The following DOCK4 variants were observed in gnomAD, a reference collection of about 807,000 sequenced individuals.
The protein encoded by DOCK4 is dedicator of cytokinesis protein 4.
A neutral mutation model predicts 268.1 loss-of-function variants in DOCK4; 97 were observed. That is an observed-to-expected ratio of 0.36 (90% CI 0.31 to 0.43). DOCK4 has a LOEUF of 0.43. Among genes scored for constraint, DOCK4 ranks in the 20% least tolerant of loss-of-function variants. The probability of loss-of-function intolerance (pLI) is 1.00; values close to 1 mark genes in which losing one functional copy is unlikely to be tolerated. For missense variants in DOCK4, 2,145 were observed against 2,455.7 expected (o/e 0.87, Z 2.67); for synonymous variants, 954 against 887.2 (o/e 1.08, Z -1.34).
At chr7:112,197,969 A>AG (rs1012356158) in intron 1 of DOCK4, among the ~76,000 whole-genome samples, 5 of 82,966 alleles carry the variant, frequency 6.0e-5, no homozygotes, top group Admixed American at 1.2e-4. Context: ...TGACCTGCCT[A>AG]GAAAAAAAAA....
intron 13 of DOCK4, among the ~76,000 whole-genome samples, chr7:111,904,160 G>A (rs1478761630): frequency 6.6e-6 from 1 of 152,124 alleles, no homozygotes; most frequent in East Asian, 1.9e-4. Flanking sequence ...CCCAAAGGAG[G>A]GAAAATGAGG....
intron 8 of DOCK4, among the ~76,000 whole-genome samples, chr7:111,951,517 C>A (rs1796043772): frequency 6.6e-6 from 1 of 151,812 alleles, no homozygotes; most frequent in African/African-American, 2.4e-5. Context: ...CCTCAGAGCA[C>A]CAAAGAAGGC....
At chr7:112,136,521 G>C (rs571558488) in intron 1 of DOCK4, among the ~76,000 whole-genome samples, 1 of 152,288 alleles carries the variant, frequency 6.6e-6, no homozygotes, top group South Asian at 2.1e-4. Context: ...CAAGCCCTTT[G>C]CTGGGGGATG....
intron 12 of DOCK4, 138 bp downstream of exon 12, chr7:111,935,402 G>A (rs780066144): frequency 1.3e-6 from 1 of 742,632 alleles, no homozygotes; most frequent in Admixed American, 2.0e-5. Flanking sequence ...ATACCAGAAT[G>A]TTCATTGAGC....
intron 1 of DOCK4, among the ~76,000 whole-genome samples, chr7:112,057,973 A>T (rs1180404373): frequency 6.6e-6 from 1 of 151,192 alleles, no homozygotes; most frequent in African/African-American, 2.4e-5. Flanking sequence ...AATTTATAGT[A>T]CATGGATATA....
intron 1 of DOCK4, among the ~76,000 whole-genome samples, chr7:112,189,119 T>C (rs1819704133): frequency 6.6e-6 from 1 of 152,192 alleles, no homozygotes; most frequent in African/African-American, 2.4e-5. Context: ...TAAATAACAA[T>C]TGTAGTCTAT....
intron 16 of DOCK4, among the ~76,000 whole-genome samples, chr7:111,883,828 G>A (rs1043469467): frequency 6.6e-6 from 1 of 152,132 alleles, no homozygotes; most frequent in Non-Finnish European, 1.5e-5. Context: ...CATCTTGATA[G>A]CTTCTTACAG....
In DOCK4 at chr7:111,935,644, C is replaced by T. The variant is rs1392203848; in HGVS notation, c.978-16G>A. ...TGTGTTACACCTATGAAAACATTAA[C>T]ACTCTGTTAAGCTTTAATGATGCAT... is the stretch of plus-strand genomic sequence containing the variant. On this transcript the variant is annotated splice_polypyrimidine_tract_variant and intron_variant, in intron 11 of 52. Coordinates refer to ENST00000428084, the MANE Select transcript of DOCK4 (RefSeq NM_001363540.2). The T allele has an allele frequency of 6.2e-7, 1 of 1,606,586 alleles. No individual in the cohort carries two copies. The highest frequency in any genetic ancestry group is 8.5e-7 in the Non-Finnish European group (1 of 1,173,552).
intron 46 of DOCK4, 57 bp from the exon 47 acceptor site, chr7:111,741,271 T>C (rs1795898726): frequency 3.1e-6 from 5 of 1,596,596 alleles, no homozygotes; most frequent in African/African-American, 1.3e-5. Flanking sequence ...TACTTTATCA[T>C]GTGCTAGAAT....
rs373930214 is a variant in DOCK4 at position 111,769,622 on chromosome 7, G to A, written c.3735C>T (p.Pro1245=). Residue 1245 remains proline (P), a synonymous_variant, in exon 37 of 53, where the codon CCC becomes CCT. Coordinates refer to ENST00000428084, the MANE Select transcript of DOCK4 (RefSeq NM_001363540.2). ...YDELLEWSDR[P]LREFLTYPMQ... ...TGGGGTAGGTCAGGAACTCCCTGAG[G>A]GGCCGATCAGACCATTCCAGTAGCT... 15 of 1,613,680 alleles carry A rather than the reference G, an allele frequency of 9.3e-6. No homozygotes were observed. Among genetic ancestry groups the A allele is most frequent in the Middle Eastern group, 1.6e-4 (1 of 6,084 alleles).
chr7:111,839,328 T>C (rs1344720350), intron 25 of DOCK4, among the ~76,000 whole-genome samples: 2 of 152,232 alleles, frequency 1.3e-5, no homozygotes, highest in African/African-American at 4.8e-5. Context: ...TTCATCTCTT[T>C]TCCATCTCTT....
At chr7:111,854,051 C>T (rs1445713009) in intron 23 of DOCK4, among the ~76,000 whole-genome samples, 3 of 152,142 alleles carry the variant, frequency 2.0e-5, no homozygotes, top group African/African-American at 7.2e-5. Flanking sequence ...CTGCCTCAGC[C>T]TCGGGACTAG....
Position 112,102,297 on chromosome 7 carries a change from GA to G in DOCK4, c.38-98167del, listed in dbSNP as rs1484828168. On this transcript the variant is annotated intron_variant, in intron 1 of 52. Coordinates refer to ENST00000428084, the MANE Select transcript of DOCK4 (RefSeq NM_001363540.2). The stretch of plus-strand genomic sequence containing the variant: ...GAAAGATTAATGAGTAAGTGACTAA[GA>G]AACACTGTGAATGCTTAAAGTAGGC... Among the ~76,000 whole-genome samples the G allele has an allele frequency of 3.3e-5, 5 of 152,208 alleles. No individual in the cohort carries two copies. In the South Asian group the frequency reaches 6.2e-4, roughly 19 times the overall value.
intron 1 of DOCK4, among the ~76,000 whole-genome samples, chr7:112,044,100 T>A (rs962097990): frequency 6.6e-6 from 1 of 152,192 alleles, no homozygotes; most frequent in African/African-American, 2.4e-5. Flanking sequence ...ATAAGGAAAC[T>A]GAAGCACAGA....
At chr7:111,869,427 G>C in intron 21 of DOCK4, 147 bp downstream of exon 21, 1 of 706,002 alleles carries the variant, frequency 1.4e-6, no homozygotes. Context: ...CAGCTCTCAA[G>C]CAGTCACAAA....
chr7:111,730,624 G>C (rs1262069443), intron 52 of DOCK4, among the ~76,000 whole-genome samples: 1 of 149,326 alleles, frequency 6.7e-6, no homozygotes, highest in Admixed American at 6.6e-5. Context: ...CAGTTTGATG[G>C]CTGGCTGGGG....
At chr7:111,831,928 T>C (rs1214230502) in intron 26 of DOCK4, among the ~76,000 whole-genome samples, 3 of 152,208 alleles carry the variant, frequency 2.0e-5, no homozygotes, top group Non-Finnish European at 4.4e-5. Context: ...TTAAACTCTA[T>C]ATTCTATCAA....
chr7:111,845,449 T>C (rs1178934041), intron 24 of DOCK4, among the ~76,000 whole-genome samples: 1 of 152,202 alleles, frequency 6.6e-6, no homozygotes, highest in East Asian at 1.9e-4. Flanking sequence ...CTAAGGTCAG[T>C]GGCCATGTGG....
At chr7:111,795,022 G>C (rs976360333) in intron 30 of DOCK4, among the ~76,000 whole-genome samples, 1 of 152,164 alleles carries the variant, frequency 6.6e-6, no homozygotes, top group African/African-American at 2.4e-5. Flanking sequence ...GAAAGGAAGA[G>C]GGATTTTTTT....
Sources: gnomAD v4.1 joint callset for allele counts (sites outside exome capture counted in the v4.1 genomes callset) on GRCh38, gnomAD v4.1.1 for gene constraint, MANE v1.5 for transcripts, NCBI Gene and HGNC (gene_info 2026-07-23, HGNC 2026-07-21) for gene names.